Variants in RNF216 observed in about 807,000 individuals in gnomAD.
RNF216 encodes the protein ring finger protein 216.
RNF216 carries 72 observed loss-of-function variants against 110.8 expected under a neutral mutation model. The observed-to-expected ratio is 0.65, with a 90% CI of 0.54 to 0.79. The LOEUF is 0.79. Among genes scored for constraint, RNF216 ranks in the 30% least tolerant of loss-of-function variants. The pLI is 0.00. For synonymous variants in RNF216, 495 were observed against 407.5 expected (o/e 1.21, Z -2.59); for missense variants, 1,342 against 1,141.2 (o/e 1.18, Z -2.54).
At chr7:5,656,789 A>G (rs1788774947) in intron 13 of RNF216, among the ~76,000 whole-genome samples, 1 of 150,908 alleles carries the variant, frequency 6.6e-6, no homozygotes, top group Non-Finnish European at 1.5e-5. Context: ...TAATGAATAA[A>G]GCAGAAGATT....
At chr7:5,746,638 CG>C (rs1170202806) in intron 3 of RNF216, among the ~76,000 whole-genome samples, 2 of 152,070 alleles carry the variant, frequency 1.3e-5, no homozygotes, top group African/African-American at 2.4e-5. Flanking sequence ...AACGTCATCC[CG>C]GTCCTGAGAT....
rs924661061 is a variant in RNF216 at position 5,624,222 on chromosome 7, G to C, written c.2383-97C>G. The C allele has an allele frequency of 2.1e-6, 2 of 971,208 alleles. No individual in the cohort carries two copies. The highest frequency in any genetic ancestry group is 1.6e-5 in the African/African-American group (1 of 62,790). The allele number at this position is 971,208 out of a possible 1,614,324, so 60.2% of individuals were successfully genotyped here. A position where few individuals can be genotyped will look rare whatever the true frequency, so the allele number is the denominator to read the frequency against. ...AGGCCGCTTGTTGCTTATGGCCATG[G>C]AACAAGCCCGAAGCCTGCTGCTGGC... On this transcript the variant is annotated intron_variant, in intron 15 of 16. Coordinates refer to ENST00000389902, the MANE Select transcript of RNF216 (RefSeq NM_207111.4). The surrounding 1 kb of genome is among the most constrained non-coding windows in gnomAD (Gnocchi z 4.4).
intron 14 of RNF216, among the ~76,000 whole-genome samples, chr7:5,642,565 C>T (rs1026279973): frequency 6.6e-6 from 1 of 151,410 alleles, no homozygotes; most frequent in African/African-American, 2.4e-5. Context: ...TCAAACGGTT[C>T]ACATGTCTCA....
At chr7:5,683,064 A>G (rs1790760756) in intron 13 of RNF216, among the ~76,000 whole-genome samples, 1 of 152,160 alleles carries the variant, frequency 6.6e-6, no homozygotes, top group African/African-American at 2.4e-5. Flanking sequence ...CTAAGTTAAA[A>G]AACAAAAAAC....
chr7:5,712,910 T>C (rs762951653), intron 11 of RNF216, 47 bp from the exon 12 acceptor site: 17 of 1,559,126 alleles, frequency 1.1e-5, no homozygotes, highest in African/African-American at 4.1e-5. Context: ...ATACCATTTA[T>C]AGAAAAATAA....
At chr7:5,751,822 T>A (rs1795340863) in intron 3 of RNF216, among the ~76,000 whole-genome samples, 1 of 104,568 alleles carries the variant, frequency 9.6e-6, no homozygotes, top group Admixed American at 1.1e-4. Context: ...CTGGGATCTT[T>A]AAACTAAAAA....
intron 15 of RNF216, among the ~76,000 whole-genome samples, chr7:5,632,103 G>A (rs1787109610): frequency 6.6e-6 from 1 of 152,246 alleles, no homozygotes; most frequent in South Asian, 2.1e-4. Flanking sequence ...GGCTCAGGCT[G>A]GGTTGCTGGG....
chr7:5,620,248 A>T lies in RNF216; in HGVS notation c.*2612T>A, dbSNP rs1294815673. 1 of 152,252 alleles carries T rather than the reference A, an allele frequency of 6.6e-6. No homozygotes were observed. The highest frequency in any genetic ancestry group is 1.5e-5 in the Non-Finnish European group (1 of 68,040). 9.4% of individuals were successfully genotyped at this position (152,252 alleles called of 1,614,324 possible). ...TTTTTCAGTTTTTAAATATTTTGCT[A>T]AGTGCAAATACTAGATTCCTCTCTC... On this transcript the variant is annotated 3_prime_UTR_variant, in exon 17 of 17. Coordinates refer to ENST00000389902, the MANE Select transcript of RNF216 (RefSeq NM_207111.4).
At chr7:5,751,645 T>A (rs1345811060) in intron 3 of RNF216, among the ~76,000 whole-genome samples, 3 of 152,012 alleles carry the variant, frequency 2.0e-5, no homozygotes, top group African/African-American at 4.8e-5. Flanking sequence ...CTTTTCTGTC[T>A]CCCTGTCCCA....
intron 13 of RNF216, among the ~76,000 whole-genome samples, chr7:5,681,312 CATCATT>C (rs983973575): frequency 2.0e-5 from 3 of 152,184 alleles, no homozygotes; most frequent in Admixed American, 1.3e-4. Flanking sequence ...TTTCATCTCC[CATCATT>C]TACCTGTTTT....
intron 3 of RNF216, among the ~76,000 whole-genome samples, chr7:5,743,166 G>A (rs895197634): frequency 6.6e-6 from 1 of 151,976 alleles, no homozygotes; most frequent in African/African-American, 2.4e-5. Context: ...GAGGCTGACG[G>A]AGCAGAATTG....
intron 3 of RNF216, 73 bp from the exon 4 acceptor site, chr7:5,741,888 C>G: frequency 1.3e-6 from 2 of 1,483,090 alleles, no homozygotes; most frequent in Admixed American, 4.5e-5. Context: ...TTATATTGAG[C>G]TTCCGAGATA....
At chr7:5,652,085 A>G (rs994594426) in intron 14 of RNF216, among the ~76,000 whole-genome samples, 6 of 152,208 alleles carry the variant, frequency 3.9e-5, no homozygotes, top group East Asian at 1.9e-4. Context: ...ACAGTTTCCT[A>G]TAACACAGAC....
chr7:5,759,364 C>A (rs896276804), intron 2 of RNF216, among the ~76,000 whole-genome samples: 2 of 152,182 alleles, frequency 1.3e-5, no homozygotes, highest in Non-Finnish European at 2.9e-5. Flanking sequence ...TCTTCTTCCT[C>A]CTCCTCTTCA....
chr7:5,660,105 C>T (rs1191634988), intron 13 of RNF216, among the ~76,000 whole-genome samples: 1 of 151,282 alleles, frequency 6.6e-6, no homozygotes, highest in Non-Finnish European at 1.5e-5. Flanking sequence ...TGAACACGTG[C>T]CACCACAGCT....
intron 13 of RNF216, among the ~76,000 whole-genome samples, chr7:5,706,003 G>A (rs1300674981): frequency 7.3e-5 from 11 of 151,724 alleles, no homozygotes; most frequent in African/African-American, 2.4e-4. Context: ...GGAGGATTAC[G>A]AGGTCAGGAG....
At chr7:5,754,333 A>AT (rs1562464060) in intron 2 of RNF216, among the ~76,000 whole-genome samples, 10 of 151,756 alleles carry the variant, frequency 6.6e-5, no homozygotes, top group African/African-American at 2.4e-4. Context: ...TTAAAAAAAA[A>AT]ATTTTTTTTT....
In RNF216 at chr7:5,722,377, T is replaced by TG. The variant is rs200765603; in HGVS notation, c.1505-1206_1505-1205insC. Among the ~76,000 whole-genome samples, 1,236 of 150,284 alleles carry TG rather than the reference T, an allele frequency of 8.2e-3. 12 individuals carry two copies. Among genetic ancestry groups the TG allele is most frequent in the African/African-American group, 0.023 (929 of 41,032 alleles). On this transcript the variant is annotated intron_variant, in intron 8 of 16. Coordinates refer to ENST00000389902, the MANE Select transcript of RNF216 (RefSeq NM_207111.4). Reference sequence around the variant, plus strand: ...CTCTTGCTCATTCTCATGTTTTTTTTTTTGTTTGTTTGTTTGTTTTGTTTT... The same window carrying TG: ...CTCTTGCTCATTCTCATGTTTTTTTTGTTTGTTTGTTTGTTTGTTTTGTTTT...
At chr7:5,658,258 G>C (rs1402115111) in intron 13 of RNF216, among the ~76,000 whole-genome samples, 1 of 152,208 alleles carries the variant, frequency 6.6e-6, no homozygotes, top group Admixed American at 6.5e-5. Context: ...TTAAAGCCAA[G>C]TATCTGAACC....
Sources: allele counts gnomAD v4.1 joint callset (sites outside exome capture counted in the v4.1 genomes callset), GRCh38; gene constraint gnomAD v4.1.1; non-coding constraint Gnocchi (gnomAD v3.1); transcripts MANE v1.5; gene names NCBI Gene and HGNC (gene_info 2026-07-23, HGNC 2026-07-21).